PAG1: variants seen among roughly 807,000 people sequenced by gnomAD.
PAG1 encodes the protein phosphoprotein membrane anchor with glycosphingolipid microdomains 1.
In PAG1, 23 loss-of-function variants were observed where a neutral mutation model predicts 31.7. The ratio of observed to expected loss-of-function variants is 0.73; its 90% CI spans 0.52 to 1.03. The LOEUF (loss-of-function observed/expected upper bound fraction) is 1.03. Among genes scored for constraint, PAG1 ranks in the 50% least tolerant of loss-of-function variants. PAG1 has a pLI of 0.00. For missense variants in PAG1, 473 were observed against 540.7 expected (o/e 0.87, Z 1.24); for synonymous variants, 214 against 210.3 (o/e 1.02, Z -0.15).
At chr8:81,027,904 C>CA (rs35780204) in intron 3 of PAG1, among the ~76,000 whole-genome samples, 4,610 of 51,288 alleles carry the variant, frequency 0.09, 319 homozygotes, top group African/African-American at 0.2. Flanking sequence ...GACTCCGTCT[C>CA]AAAAAAAAAA....
At chr8:81,065,070 G>A (rs1316463170) in intron 2 of PAG1, among the ~76,000 whole-genome samples, 2 of 152,030 alleles carry the variant, frequency 1.3e-5, no homozygotes, top group African/African-American at 4.8e-5. Flanking sequence ...CACAGACCTG[G>A]CAGAGCACCA....
At chr8:81,086,345 A>C (rs773405772) in intron 1 of PAG1, among the ~76,000 whole-genome samples, 1 of 152,066 alleles carries the variant, frequency 6.6e-6, no homozygotes, top group Non-Finnish European at 1.5e-5. Flanking sequence ...ATGAATATTT[A>C]CTCTAAATCA....
intron 3 of PAG1, among the ~76,000 whole-genome samples, chr8:81,002,855 T>C (rs536781774): frequency 6.6e-6 from 1 of 152,356 alleles, no homozygotes; most frequent in East Asian, 1.9e-4. Flanking sequence ...GGGAAATGTT[T>C]CAAGAGAGAC....
chr8:81,022,461 T>C (rs1355798575), intron 3 of PAG1, among the ~76,000 whole-genome samples: 2 of 152,192 alleles, frequency 1.3e-5, no homozygotes, highest in African/African-American at 4.8e-5. Flanking sequence ...ATAACGATGC[T>C]TATCTAAGTC....
chr8:81,015,601 T>A (rs549902488), intron 3 of PAG1, among the ~76,000 whole-genome samples: 1 of 152,352 alleles, frequency 6.6e-6, no homozygotes, highest in South Asian at 2.1e-4. Context: ...TGGCTTAAAA[T>A]CTGATTTCTA....
intron 2 of PAG1, among the ~76,000 whole-genome samples, chr8:81,065,535 A>T (rs898716758): frequency 6.6e-6 from 1 of 152,198 alleles, no homozygotes; most frequent in Non-Finnish European, 1.5e-5. Flanking sequence ...AGAGTGGATA[A>T]TGAAACTAGC....
intron 1 of PAG1, among the ~76,000 whole-genome samples, chr8:81,089,254 A>C (rs1397506345): frequency 6.6e-6 from 1 of 152,152 alleles, no homozygotes; most frequent in Admixed American, 6.5e-5. Flanking sequence ...CTGTGCATGC[A>C]GTGGGTTTGT....
chr8:80,977,032 T>C (rs1807200182), intron 8 of PAG1, 126 bp from the exon 9 acceptor site: 1 of 802,392 alleles, frequency 1.2e-6, no homozygotes, highest in South Asian at 1.7e-5. Flanking sequence ...ATTTGTTCTT[T>C]CTTATCTGTA....
At chr8:80,983,238 A>T (rs59739958) in intron 7 of PAG1, among the ~76,000 whole-genome samples, 3,927 of 152,238 alleles carry the variant, frequency 0.026, 172 homozygotes, top group African/African-American at 0.089. Context: ...AAAAGCACAA[A>T]CCTCACCCCC....
At chr8:81,042,303 G>A (rs1490603643) in intron 2 of PAG1, among the ~76,000 whole-genome samples, 1 of 152,146 alleles carries the variant, frequency 6.6e-6, no homozygotes, top group African/African-American at 2.4e-5. Flanking sequence ...ACCTCAAAGG[G>A]TCAGTGTGAG....
At chr8:81,082,202 G>A (rs373394033) in intron 1 of PAG1, among the ~76,000 whole-genome samples, 17 of 141,476 alleles carry the variant, frequency 1.2e-4, no homozygotes, top group African/African-American at 2.4e-4. Flanking sequence ...GCAGTGAGCC[G>A]AGACTGTGCC....
chr8:80,988,355 A>G (rs1418864512), intron 5 of PAG1, among the ~76,000 whole-genome samples: 1 of 152,242 alleles, frequency 6.6e-6, no homozygotes, highest in Non-Finnish European at 1.5e-5. Context: ...AGAGATAGAT[A>G]AGGCTATTGA....
At chr8:81,092,064 A>G (rs1367652246) in intron 1 of PAG1, among the ~76,000 whole-genome samples, 2 of 151,618 alleles carry the variant, frequency 1.3e-5, no homozygotes, top group African/African-American at 4.8e-5. Flanking sequence ...GAATAAAAGT[A>G]AATCCAGGCT....
chr8:80,993,308 C>T lies in PAG1; in HGVS notation c.-80-1G>A. On this transcript the variant is annotated splice_acceptor_variant, in intron 3 of 8. Transcript: ENST00000220597. LOFTEE classifies it low-confidence loss of function (5UTR_SPLICE). ...TGACATGGAGGCAGAGAGCTGTGTC[C>T]TGCAAAGAGACCAGTGCGTTTGGAG... The T allele has an allele frequency of 7.1e-7, 1 of 1,402,408 alleles. No individual in the cohort carries two copies. Among genetic ancestry groups the T allele is most frequent in the Non-Finnish European group, 9.7e-7 (1 of 1,033,794 alleles). The allele number at this position is 1,402,408 out of a possible 1,614,324, so 86.9% of individuals were successfully genotyped here. A position where few individuals can be genotyped will look rare whatever the true frequency, so the allele number is the denominator to read the frequency against.
chr8:81,014,555 T>C (rs12544020), intron 3 of PAG1, among the ~76,000 whole-genome samples: 97,092 of 152,098 alleles, frequency 0.64, 31,976 homozygotes, highest in Non-Finnish European at 0.72. Context: ...AATTTATATT[T>C]GTTTTTCTTT....
Position 81,089,648 on chromosome 8 carries a change from T to G in PAG1, c.-233-19478A>C, listed in dbSNP as rs1809415147. On this transcript the variant is annotated intron_variant, in intron 1 of 8. Coordinates refer to ENST00000220597, the MANE Select transcript of PAG1 (RefSeq NM_018440.4). ...TGGAGCCTTGCCCTGCTGGGAGACA[T>G]TATCTTTATTGGATTGTACAGTAAA... Among the ~76,000 whole-genome samples, 3 of 152,022 alleles carry G rather than the reference T, an allele frequency of 2.0e-5. No individual in the cohort carries two copies. The South Asian group carries it at 6.2e-4, about 32-fold the overall frequency.
At chr8:81,092,902 A>C (rs1420777285) in intron 1 of PAG1, among the ~76,000 whole-genome samples, 1 of 152,216 alleles carries the variant, frequency 6.6e-6, no homozygotes, top group East Asian at 1.9e-4. Context: ...CTTGTATCAG[A>C]TCTCTCTTTA....
Position 80,971,614 on chromosome 8 carries a change from C to G in PAG1, c.*4930G>C, listed in dbSNP as rs930057085. On this transcript the variant is annotated 3_prime_UTR_variant, in exon 9 of 9. Transcript: ENST00000220597. The stretch of plus-strand genomic sequence containing the variant: ...TTTAAAAAATACCCACAGTATATAA[C>G]TGGCAAGCCAAAAAAACTTCCTGTA... The G allele has an allele frequency of 6.6e-6, 1 of 152,164 alleles. No homozygotes were observed. The highest frequency in any genetic ancestry group is 1.9e-4 in the East Asian group (1 of 5,198). 9.4% of individuals were successfully genotyped at this position (152,164 alleles called of 1,614,324 possible).
intron 3 of PAG1, among the ~76,000 whole-genome samples, chr8:81,018,429 A>G (rs564593600): frequency 1.3e-5 from 2 of 152,360 alleles, no homozygotes; most frequent in South Asian, 4.1e-4. Flanking sequence ...TTCCTAGTAC[A>G]TAAGTGACTC....
Sources: gnomAD v4.1 joint callset for allele counts (sites outside exome capture counted in the v4.1 genomes callset) on GRCh38, gnomAD v4.1.1 for gene constraint, MANE v1.5 for transcripts, NCBI Gene and HGNC (gene_info 2026-07-23, HGNC 2026-07-21) for gene names.